Variants in FAM186B observed in about 807,000 individuals in gnomAD.
FAM186B encodes the protein family with sequence similarity 186 member B.
In FAM186B, 68 loss-of-function variants were observed where a neutral mutation model predicts 83.4. The observed-to-expected ratio is 0.81, with a 90% CI of 0.67 to 1.00. The LOEUF (loss-of-function observed/expected upper bound fraction) is 1.00. Among genes scored for constraint, FAM186B ranks in the 50% least tolerant of loss-of-function variants. The pLI is 0.00. For missense variants in FAM186B, 983 were observed against 1,099.2 expected, an observed-to-expected ratio of 0.89 and a Z score of 1.49; for synonymous variants, 389 against 422.0, an observed-to-expected ratio of 0.92 and a Z score of 0.96.
chr12:49,619,674 T>TC, the FAM186B span: 1 of 420,032 alleles, frequency 2.4e-6, no homozygotes. Flanking sequence ...TCTCTTTTTT[T>TC]TTTTTTTTTT....
At chr12:49,595,842 G>T (rs1391843336) in intron 5 of FAM186B, among the ~76,000 whole-genome samples, 1 of 152,128 alleles carries the variant, frequency 6.6e-6, no homozygotes, top group South Asian at 2.1e-4. Context: ...AAAATTACCC[G>T]GGCGTGGCGG....
In FAM186B at chr12:49,600,322, T is replaced by C. The variant is rs1371039112; in HGVS notation, c.1318A>G (p.Lys440Glu). ...AAGTAGTCCTCCTGGTCTTTGTCTT[T>C]GTGGCCTAAGCTTTCTGCCACCGGT... ...ERPVAESLGH[K>E]DKDQEDYFQK... Residue 440 changes from lysine (K) to glutamate (E), a missense_variant, in exon 4 of 7, where the codon AAA becomes GAA. Transcript: ENST00000257894. The surrounding 1 kb of genome is among the most constrained non-coding windows in gnomAD (Gnocchi z 4.3). 9 of 1,614,230 alleles carry C rather than the reference T, an allele frequency of 5.6e-6. No homozygotes were observed. The highest frequency in any genetic ancestry group is 7.6e-6 in the Non-Finnish European group (9 of 1,180,042).
In FAM186B at chr12:49,600,313, C is replaced by CTT; in HGVS notation, c.1325_1326dup (p.Asp443LysfsTer24). The stretch of plus-strand genomic sequence containing the variant: ...CCCTTCTGGAAGTAGTCCTCCTGGT[C>CTT]TTTGTCTTTGTGGCCTAAGCTTTCT... On this transcript the variant is annotated frameshift_variant, in exon 4 of 7. Coordinates refer to ENST00000257894, the MANE Select transcript of FAM186B (RefSeq NM_032130.3). LOFTEE classifies it high-confidence loss of function. This position sits in a 1 kb window ranked among gnomAD's most constrained non-coding sequence, Gnocchi z 4.3. The CTT allele has an allele frequency of 6.2e-7, 1 of 1,614,142 alleles. No homozygotes were observed. Among genetic ancestry groups the CTT allele is most frequent in the South Asian group, 1.1e-5 (1 of 91,070 alleles).
chr12:49,622,369 G>GT, the FAM186B span, among the ~76,000 whole-genome samples: 1 of 152,222 alleles, frequency 6.6e-6, no homozygotes. Context: ...TTAGCCGGGC[G>GT]TTGTGGCACA....
At chr12:49,609,935 A>C (rs1342174942), upstream of FAM186B, among the ~76,000 whole-genome samples, 2 of 152,232 alleles carry the variant, frequency 1.3e-5, no homozygotes, top group African/African-American at 4.8e-5. Flanking sequence ...TTCTGCCAGT[A>C]AACAAGGATC....
chr12:49,589,978 CAAAAAAAAAAA>C (rs57724815), intron 5 of FAM186B, among the ~76,000 whole-genome samples: 19 of 60,714 alleles, frequency 3.1e-4, no homozygotes, highest in African/African-American at 1.2e-3. Flanking sequence ...ACTCTGTCTC[CAAAAAAAAAAA>C]AAAAAAAAAA....
the FAM186B span, among the ~76,000 whole-genome samples, chr12:49,617,457 T>A: frequency 6.6e-6 from 1 of 151,878 alleles, no homozygotes; most frequent in African/African-American, 2.4e-5. Context: ...GGTGGGAGGG[T>A]CACCTGAGCC....
At chr12:49,616,535 A>G in the FAM186B span, among the ~76,000 whole-genome samples, 1 of 152,234 alleles carries the variant, frequency 6.6e-6, no homozygotes, top group African/African-American at 2.4e-5. Flanking sequence ...ATACCACTTC[A>G]CATGACAAAG....
At chr12:49,614,272 T>C in the FAM186B span, among the ~76,000 whole-genome samples, 19 of 152,274 alleles carry the variant, frequency 1.2e-4, no homozygotes, top group African/African-American at 4.3e-4. Context: ...CATGCACTCA[T>C]ATCCATCACA....
chr12:49,586,000 A>G (rs1228154504), downstream of FAM186B, among the ~76,000 whole-genome samples: 1 of 152,190 alleles, frequency 6.6e-6, no homozygotes, highest in Non-Finnish European at 1.5e-5. Flanking sequence ...CCACACTGAG[A>G]CATCAGGAGC....
downstream of FAM186B, chr12:49,583,931 C>G (rs1263674609): frequency 6.5e-6 from 1 of 154,678 alleles, no homozygotes; most frequent in African/African-American, 2.4e-5. Context: ...AGACGCTTGC[C>G]AGAGACGGCC....
At chr12:49,620,541 C>G in the FAM186B span, among the ~76,000 whole-genome samples, 1 of 151,692 alleles carries the variant, frequency 6.6e-6, no homozygotes, top group South Asian at 2.1e-4. Context: ...TGGAATATAA[C>G]TTGTAAAACC....
intron 5 of FAM186B, among the ~76,000 whole-genome samples, chr12:49,591,583 C>G (rs546199614): frequency 8.2e-6 from 1 of 122,232 alleles, no homozygotes; most frequent in Admixed American, 8.1e-5. Context: ...AAAATGATAC[C>G]CAAAATACAT....
chr12:49,605,867 T>A (rs1293200035), upstream of FAM186B, among the ~76,000 whole-genome samples: 1 of 151,198 alleles, frequency 6.6e-6, no homozygotes, highest in African/African-American at 2.4e-5. Context: ...CAAGTGATTC[T>A]CCTGGCTCAG....
intron 5 of FAM186B, among the ~76,000 whole-genome samples, chr12:49,590,266 G>A (rs1939553577): frequency 6.6e-6 from 1 of 152,136 alleles, no homozygotes; most frequent in African/African-American, 2.4e-5. Flanking sequence ...AAGTTTGGGT[G>A]TCAAAGACTG....
chr12:49,600,029 T>C lies in FAM186B; in HGVS notation c.1611A>G (p.Leu537=). ...AREQQRRWVQ[L]EKEQESPRRE... is the part of the protein sequence containing the mutation. Reference sequence around the variant, plus strand: ...TCCGTGGGCTCTCCTGCTCCTTTTCTAGCTGGACCCATCTCCGCTGTTGCT... The same window carrying C: ...TCCGTGGGCTCTCCTGCTCCTTTTCCAGCTGGACCCATCTCCGCTGTTGCT... Residue 537 remains leucine, a synonymous_variant, in exon 4 of 7, where the codon CTA becomes CTG. Transcript: ENST00000257894. The surrounding 1 kb of genome is among the most constrained non-coding windows in gnomAD (Gnocchi z 4.3). 1 of 1,607,864 alleles carries C rather than the reference T, an allele frequency of 6.2e-7. No homozygotes were observed. Among genetic ancestry groups the C allele is most frequent in the Non-Finnish European group, 8.5e-7 (1 of 1,177,032 alleles).
intron 5 of FAM186B, among the ~76,000 whole-genome samples, chr12:49,593,842 G>A (rs1379658337): frequency 1.3e-5 from 2 of 152,068 alleles, no homozygotes; most frequent in East Asian, 1.9e-4. Flanking sequence ...ATTTTCAAGA[G>A]TACATAAGCA....
At chr12:49,601,195 T>C in intron 3 of FAM186B, 61 bp from the exon 4 acceptor site, 1 of 1,508,162 alleles carries the variant, frequency 6.6e-7, no homozygotes, top group Admixed American at 2.3e-5. Flanking sequence ...ATTGCATTGA[T>C]TCTCCAAACC....
At position 49,599,494 on chromosome 12, in the gene FAM186B, A is replaced by G. The variant is rs1297692711; in HGVS notation, c.2146T>C (p.Phe716Leu). The change falls in exon 4 of 7, where the codon TTC (phenylalanine) becomes CTC (leucine). Residue 716 changes from phenylalanine (F) to leucine (L), a missense_variant. Coordinates refer to ENST00000257894, the MANE Select transcript of FAM186B (RefSeq NM_032130.3). ...CGGAGGCTCTGGAGGCGTCTATAGAAGATGTACTTATGGCACAGGTACTGC... is the reference window on the plus strand; with the variant it reads ...CGGAGGCTCTGGAGGCGTCTATAGAGGATGTACTTATGGCACAGGTACTGC... ...RLQYLCHKYIFYRRLQSLRQE... is the reference protein window; with the variant it reads ...RLQYLCHKYILYRRLQSLRQE... The G allele has an allele frequency of 6.4e-7, 1 of 1,556,620 alleles. No individual in the cohort carries two copies. The highest frequency in any genetic ancestry group is 1.4e-5 in the African/African-American group (1 of 72,594).
Sources: gnomAD v4.1 joint callset for allele counts (sites outside exome capture counted in the v4.1 genomes callset) on GRCh38, gnomAD v4.1.1 for gene constraint, Gnocchi (gnomAD v3.1) non-coding constraint, MANE v1.5 for transcripts, NCBI Gene and HGNC (gene_info 2026-07-23, HGNC 2026-07-21) for gene names.